The following NDUFA10 variants were observed in gnomAD, a reference collection of about 807,000 sequenced individuals.
NDUFA10 encodes NADH:ubiquinone oxidoreductase subunit A10, also known as NADH dehydrogenase [ubiquinone] 1 alpha subcomplex subunit 10, mitochondrial.
Under a neutral mutation model 47.8 loss-of-function variants are expected in NDUFA10, and 40 were observed. The ratio of observed to expected loss-of-function variants is 0.84; its 90% CI spans 0.65 to 1.09. NDUFA10 has a LOEUF of 1.09. NDUFA10 is among the 50% of genes least tolerant of loss of function. The pLI, the probability that NDUFA10 is intolerant of heterozygous loss-of-function variation, is 0.00. For missense variants in NDUFA10, 413 were observed against 451.1 expected (o/e 0.92, Z 0.76); for synonymous variants, 183 against 172.2 (o/e 1.06, Z -0.49).
In NDUFA10 at chr2:240,025,235, G is replaced by C. The variant is rs969855091; in HGVS notation, c.67C>G (p.Gln23Glu). Residue 23 changes from glutamine (Q) to glutamate (E), a missense_variant, in exon 1 of 10, where the codon CAG becomes GAG. Transcript: ENST00000252711. Reference sequence around the variant, plus strand: ...CCCCGCCGCCCGCTCACCACGCGCTGGGCGCCCGCCGCCACGACCCGGGCG... The same window carrying C: ...CCCCGCCGCCCGCTCACCACGCGCTCGGCGCCCGCCGCCACGACCCGGGCG... ...ASARVVAAGA[Q>E]RVRGIHSSVQ... 6.8e-7 allele frequency: 1 copy of C among 1,469,840 alleles called. No homozygotes were observed. Among genetic ancestry groups the C allele is most frequent in the Non-Finnish European group, 9.0e-7 (1 of 1,114,710 alleles). 91.0% of individuals were successfully genotyped at this position (1,469,840 alleles called of 1,614,324 possible).
chr2:239,982,424 T>C lies in NDUFA10; in HGVS notation c.999+7650A>G, dbSNP rs145201127. 3.4e-3 allele frequency among the ~76,000 whole-genome samples: 511 copies of C among 152,364 alleles called. 3 individuals are homozygous for C. The highest frequency in any genetic ancestry group is 5.9e-3 in the Non-Finnish European group (402 of 68,030). ...TTTAATTTTGTTAGCAATTCAAACA[T>C]CACAATAATTCTTGCTAAACCTCAG... On this transcript the variant is annotated intron_variant, in intron 9 of 9. Transcript: ENST00000252711.
chr2:239,954,139 G>A (rs1694608790), downstream of NDUFA10, among the ~76,000 whole-genome samples: 3 of 149,542 alleles, frequency 2.0e-5, no homozygotes, highest in South Asian at 6.5e-4. Context: ...TGTGAGAGTG[G>A]GTTCCCCCGA....
At chr2:239,997,609 C>T (rs1467827700) in intron 8 of NDUFA10, among the ~76,000 whole-genome samples, 1 of 152,074 alleles carries the variant, frequency 6.6e-6, no homozygotes, top group African/African-American at 2.4e-5. Flanking sequence ...CCTTAAGTAA[C>T]CTGAAATTGA....
In NDUFA10 at chr2:239,990,397, G is replaced by T. The variant is rs111871664; in HGVS notation, c.891-215C>A. 8.5e-3 allele frequency among the ~76,000 whole-genome samples: 1,291 copies of T among 152,322 alleles called. 18 individuals carry two copies. Among genetic ancestry groups the T allele is most frequent in the African/African-American group, 0.03 (1,232 of 41,568 alleles). ...CTTTTTAATATTACTCTCAGAACCTGAGGTAGCATCTTTTAAAAGCCTCAG... is the reference window on the plus strand; with the variant it reads ...CTTTTTAATATTACTCTCAGAACCTTAGGTAGCATCTTTTAAAAGCCTCAG... On this transcript the variant is annotated intron_variant, in intron 8 of 9. Coordinates refer to ENST00000252711, the MANE Select transcript of NDUFA10 (RefSeq NM_004544.4).
At chr2:240,015,861 T>G (rs1697325242) in intron 4 of NDUFA10, among the ~76,000 whole-genome samples, 1 of 152,108 alleles carries the variant, frequency 6.6e-6, no homozygotes, top group African/African-American at 2.4e-5. Flanking sequence ...CTATTTTGCT[T>G]TAAAGGAAAT....
At chr2:240,018,014 C>G in intron 4 of NDUFA10, 1 of 884,354 alleles carries the variant, frequency 1.1e-6, no homozygotes, top group Non-Finnish European at 1.8e-6. Context: ...TCCTCAAGGT[C>G]AGCCTGCTTC....
At chr2:239,988,983 G>A (rs1363654286) in intron 9 of NDUFA10, among the ~76,000 whole-genome samples, 2 of 148,344 alleles carry the variant, frequency 1.3e-5, no homozygotes, top group East Asian at 2.0e-4. Context: ...CAGAAAGGGA[G>A]AAACAGCACA....
chr2:239,921,284 G>A (rs943801371), intron 4 of NDUFA10, among the ~76,000 whole-genome samples: 4 of 132,426 alleles, frequency 3.0e-5, no homozygotes, highest in African/African-American at 5.1e-5. Flanking sequence ...ACAAAGCCAC[G>A]GACCTTTGCC....
intron 9 of NDUFA10, among the ~76,000 whole-genome samples, chr2:239,986,391 T>C (rs1451375123): frequency 6.6e-6 from 1 of 152,188 alleles, no homozygotes; most frequent in Non-Finnish European, 1.5e-5. Context: ...CCCGTGGGAT[T>C]CCGGCAGGTA....
intron 4 of NDUFA10, among the ~76,000 whole-genome samples, chr2:239,933,124 G>A (rs930186255): frequency 7.2e-5 from 11 of 152,196 alleles, no homozygotes; most frequent in Non-Finnish European, 1.0e-4. Context: ...AGGTCACATC[G>A]GAGTGAGGGA....
intron 4 of NDUFA10, among the ~76,000 whole-genome samples, chr2:239,932,896 TA>T (rs1310032658): frequency 6.6e-6 from 1 of 152,244 alleles, no homozygotes. Context: ...TCAAAGTATT[TA>T]ATGGGCTTTA....
At chr2:239,956,180 C>T (rs957478991), downstream of NDUFA10, among the ~76,000 whole-genome samples, 4 of 152,200 alleles carry the variant, frequency 2.6e-5, no homozygotes, top group South Asian at 2.1e-4. Flanking sequence ...GAACAAGCAG[C>T]GCTGCGTCCC....
Position 239,899,023 on chromosome 2 carries a change from TGGAGGGGTGTAAA to T in NDUFA10, c.295-3722_295-3710del, listed in dbSNP as rs1471455363. On this transcript the variant is annotated intron_variant, in intron 4 of 5. Coordinates refer to the NDUFA10 transcript ENST00000419408. Reference sequence around the variant, plus strand: ...GGAGAGGTGTGATGGAGGGGAGTCATGGAGGGGTGTAAAGGAGGGGTGTGATGGAGGAGTGTGA... The same window carrying T: ...GGAGAGGTGTGATGGAGGGGAGTCATGGAGGGGTGTGATGGAGGAGTGTGA... 7.2e-4 allele frequency among the ~76,000 whole-genome samples: 61 copies of T among 84,580 alleles called. 3 individuals are homozygous for T. Among genetic ancestry groups the T allele is most frequent in the Non-Finnish European group, 8.4e-4 (33 of 39,122 alleles). 55.5% of individuals were successfully genotyped at this position (84,580 alleles called of 152,430 possible).
intron 1 of NDUFA10, 61 bp downstream of exon 1, chr2:240,025,166 C>G: frequency 2.4e-5 from 13 of 540,178 alleles, no homozygotes; most frequent in Non-Finnish European, 3.8e-5. Context: ...GGAACTGCTC[C>G]CCACCCCGCC....
intron 4 of NDUFA10, chr2:240,017,692 C>T (rs1250467955): frequency 4.1e-6 from 3 of 737,384 alleles, no homozygotes; most frequent in Non-Finnish European, 4.7e-6. Context: ...CAGGGAGGAT[C>T]AGCCCCTATC....
At chr2:239,919,364 C>A (rs1693929329) in intron 4 of NDUFA10, among the ~76,000 whole-genome samples, 2 of 152,164 alleles carry the variant, frequency 1.3e-5, no homozygotes, top group Non-Finnish European at 2.9e-5. Flanking sequence ...CCCTCCCTGT[C>A]CTTCATGGCT....
At chr2:239,992,687 C>T (rs866809098) in intron 8 of NDUFA10, among the ~76,000 whole-genome samples, 5 of 152,226 alleles carry the variant, frequency 3.3e-5, no homozygotes, top group Middle Eastern at 3.4e-3. Flanking sequence ...GACGTGTCCT[C>T]GGAGGTCCTG....
At chr2:239,976,804 A>T (rs922305955) in intron 9 of NDUFA10, among the ~76,000 whole-genome samples, 3 of 152,234 alleles carry the variant, frequency 2.0e-5, no homozygotes, top group Admixed American at 2.0e-4. Context: ...GCAGAGGCTG[A>T]GAGCGCTCAG....
chr2:240,000,954 C>T lies in NDUFA10; in HGVS notation c.890+4256G>A, dbSNP rs184921001. ...TAACGACACCTTTCTTAGAACATAT[C>T]CCTGTCGTTAAGCAACACAGAACTA... On this transcript the variant is annotated intron_variant, in intron 8 of 9. Transcript: ENST00000252711. Among the ~76,000 whole-genome samples the T allele has an allele frequency of 3.9e-5, 6 of 152,326 alleles. No individual in the cohort carries two copies. The East Asian group carries it at 1.2e-3, about 29-fold the overall frequency.
Sources: gnomAD v4.1 joint callset for allele counts (sites outside exome capture counted in the v4.1 genomes callset) on GRCh38, gnomAD v4.1.1 for gene constraint, MANE v1.5 for transcripts, NCBI Gene and HGNC (gene_info 2026-07-23, HGNC 2026-07-21) for gene names.